The following SAMMSON variants were observed in gnomAD, a reference collection of about 807,000 sequenced individuals.
The protein encoded by SAMMSON is long intergenic non-protein coding RNA 1212.
At chr3:70,016,812 C>G (rs1259441686) in intron 3 of SAMMSON, among the ~76,000 whole-genome samples, 1 of 152,116 alleles carries the variant, frequency 6.6e-6, no homozygotes, top group Non-Finnish European at 1.5e-5. Context: ...TATGGCTAGC[C>G]AGTTTTCCCA....
intron 4 of SAMMSON, chr3:70,204,756 C>A (rs1312821187): frequency 6.6e-6 from 1 of 151,632 alleles, no homozygotes; most frequent in African/African-American, 2.4e-5. Context: ...AGGTGTCATG[C>A]TAGTTGGCTT....
intron 4 of SAMMSON, among the ~76,000 whole-genome samples, chr3:70,111,078 A>G (rs540456803): frequency 8.5e-5 from 13 of 152,282 alleles, no homozygotes; most frequent in African/African-American, 2.4e-4. Flanking sequence ...TGGTCCATTG[A>G]AAAATGATGT....
chr3:70,095,581 AG>A (rs1398391112), intron 4 of SAMMSON, among the ~76,000 whole-genome samples: 1 of 152,206 alleles, frequency 6.6e-6, no homozygotes, highest in African/African-American at 2.4e-5. Flanking sequence ...TTTAAAAAGT[AG>A]GCTCAACACC....
chr3:70,005,150 C>T (rs1491699), intron 1 of SAMMSON, among the ~76,000 whole-genome samples: 346 of 152,228 alleles, frequency 2.3e-3, no homozygotes, highest in African/African-American at 8.1e-3. Context: ...AATAGAAATT[C>T]ACTCCTTCAA....
At chr3:70,158,285 A>G (rs989611167) in intron 4 of SAMMSON, among the ~76,000 whole-genome samples, 3 of 152,086 alleles carry the variant, frequency 2.0e-5, no homozygotes, top group African/African-American at 7.2e-5. Context: ...TGGGAATTTT[A>G]TATAAACGGA....
At chr3:70,035,847 A>G (rs2067083380) in intron 3 of SAMMSON, among the ~76,000 whole-genome samples, 1 of 152,218 alleles carries the variant, frequency 6.6e-6, no homozygotes, top group South Asian at 2.1e-4. Context: ...AGAATAATTC[A>G]GTATGATCTA....
intron 4 of SAMMSON, among the ~76,000 whole-genome samples, chr3:70,177,514 C>T (rs554946181): frequency 7.2e-5 from 11 of 152,254 alleles, no homozygotes; most frequent in Admixed American, 6.5e-4. Context: ...ATTCAGTTGT[C>T]GAAGTATCTA....
At chr3:70,240,099 T>C (rs1701651986) in intron 4 of SAMMSON, among the ~76,000 whole-genome samples, 1 of 152,112 alleles carries the variant, frequency 6.6e-6, no homozygotes, top group Non-Finnish European at 1.5e-5. Context: ...TTTCTTTAAC[T>C]AGAAGCCCAA....
chr3:70,005,586 T>A (rs1185066856), intron 1 of SAMMSON, among the ~76,000 whole-genome samples: 1 of 152,132 alleles, frequency 6.6e-6, no homozygotes, highest in Non-Finnish European at 1.5e-5. Context: ...ACCCCCACCA[T>A]ATTCCACCAG....
intron 4 of SAMMSON, among the ~76,000 whole-genome samples, chr3:70,225,257 CT>C (rs1262037367): frequency 6.6e-6 from 1 of 152,102 alleles, no homozygotes; most frequent in Non-Finnish European, 1.5e-5. Context: ...TTTCAATAAA[CT>C]TTTCCCCAGA....
intron 3 of SAMMSON, among the ~76,000 whole-genome samples, chr3:70,016,592 T>G (rs532970962): frequency 4.0e-4 from 61 of 152,238 alleles, no homozygotes; most frequent in African/African-American, 1.4e-3. Context: ...TTAGTTTAAT[T>G]AGATCCCATT....
chr3:70,130,771 A>G (rs1352197486), intron 4 of SAMMSON, among the ~76,000 whole-genome samples: 2 of 152,144 alleles, frequency 1.3e-5, no homozygotes, highest in South Asian at 2.1e-4. Context: ...ATGTGAGTGA[A>G]TGAACTTTTA....
chr3:70,256,407 C>A (rs775990659), intron 6 of SAMMSON, among the ~76,000 whole-genome samples: 6 of 152,174 alleles, frequency 3.9e-5, no homozygotes, highest in South Asian at 2.1e-4. Context: ...GCCATGCTGA[C>A]TGTAAACTGC....
At chr3:70,098,016 C>A (rs148332937) in intron 4 of SAMMSON, among the ~76,000 whole-genome samples, 1 of 152,310 alleles carries the variant, frequency 6.6e-6, no homozygotes, top group East Asian at 1.9e-4. Flanking sequence ...AGCTTTTTCT[C>A]CCCTCCTTGG....
intron 3 of SAMMSON, among the ~76,000 whole-genome samples, chr3:70,021,260 T>G (rs1331753500): frequency 1.3e-5 from 2 of 152,202 alleles, no homozygotes; most frequent in Non-Finnish European, 2.9e-5. Context: ...AGTTCTCATT[T>G]TCAGTTAAAA....
At chr3:70,238,098 C>T (rs567182459) in intron 4 of SAMMSON, among the ~76,000 whole-genome samples, 34 of 146,940 alleles carry the variant, frequency 2.3e-4, no homozygotes, top group Non-Finnish European at 4.6e-4. Context: ...CTTGCCCTGT[C>T]CTGCTCCTCA....
intron 3 of SAMMSON, among the ~76,000 whole-genome samples, chr3:70,020,091 G>C (rs116266587): frequency 0.027 from 4,054 of 152,200 alleles, 94 homozygotes; most frequent in Non-Finnish European, 0.043. Context: ...ATCACAACCA[G>C]ACAAATGATG....
chr3:70,373,944 T>C (rs1702990711), intron 9 of SAMMSON, among the ~76,000 whole-genome samples: 1 of 152,212 alleles, frequency 6.6e-6, no homozygotes, highest in South Asian at 2.1e-4. Context: ...GATGGAGCTT[T>C]GCTCTTGTTG....
intron 4 of SAMMSON, among the ~76,000 whole-genome samples, chr3:70,232,862 T>C (rs1701573835): frequency 6.6e-6 from 1 of 152,136 alleles, no homozygotes; most frequent in African/African-American, 2.4e-5. Context: ...AAAAAAATCT[T>C]GCCATTTCTA....
Sources: allele counts gnomAD v4.1 joint callset (sites outside exome capture counted in the v4.1 genomes callset), GRCh38; gene constraint gnomAD v4.1.1; transcripts MANE v1.5; gene names NCBI Gene and HGNC (gene_info 2026-07-23, HGNC 2026-07-21).